Variants in FAM219A observed in about 807,000 individuals in gnomAD.
FAM219A encodes protein FAM219A.
Under a neutral mutation model 23.4 loss-of-function variants are expected in FAM219A, and 7 were observed. The ratio of observed to expected loss-of-function variants is 0.30; its 90% CI spans 0.17 to 0.56. The LOEUF is 0.56. Ranked by LOEUF, FAM219A falls within the 20% of genes least tolerant of loss-of-function variation. FAM219A has a pLI of 0.92. For missense variants in FAM219A, 166 were observed against 246.9 expected, an observed-to-expected ratio of 0.67 and a Z score of 2.20; for synonymous variants, 93 against 99.0, an observed-to-expected ratio of 0.94 and a Z score of 0.36.
chr9:34,438,594 A>C (rs1823028687), intron 1 of FAM219A, among the ~76,000 whole-genome samples: 2 of 151,604 alleles, frequency 1.3e-5, no homozygotes. Flanking sequence ...ACCAATCGGC[A>C]CTCTGTATCT....
At chr9:34,426,290 G>C (rs1422120381) in intron 1 of FAM219A, among the ~76,000 whole-genome samples, 1 of 152,194 alleles carries the variant, frequency 6.6e-6, no homozygotes, top group Non-Finnish European at 1.5e-5. Context: ...CCTATGTTTA[G>C]GAGAGGAATT....
chr9:34,424,628 G>A (rs1235653192), intron 1 of FAM219A, among the ~76,000 whole-genome samples: 1 of 151,972 alleles, frequency 6.6e-6, no homozygotes, highest in Non-Finnish European at 1.5e-5. Flanking sequence ...TCTAGTCCTT[G>A]AGGCAGGGGG....
chr9:34,436,064 C>A (rs1043973701), intron 1 of FAM219A, among the ~76,000 whole-genome samples: 1 of 152,150 alleles, frequency 6.6e-6, no homozygotes, highest in African/African-American at 2.4e-5. Flanking sequence ...CTTGGCCTCC[C>A]AATGTGCTGG....
chr9:34,435,824 G>T lies in FAM219A; in HGVS notation c.60+22380C>A, dbSNP rs182403187. On this transcript the variant is annotated intron_variant, in intron 1 of 5. Transcript: ENST00000651358. ...GGAGGTTTAGATTGCTTTTTTTTTTGAGATGGAGTCTCACTGTATCACCCA... is the reference window on the plus strand; with the variant it reads ...GGAGGTTTAGATTGCTTTTTTTTTTTAGATGGAGTCTCACTGTATCACCCA... Among the ~76,000 whole-genome samples the T allele has an allele frequency of 3.5e-3, 505 of 142,700 alleles. 2 individuals are homozygous for T. The highest frequency in any genetic ancestry group is 0.012 in the African/African-American group (474 of 38,390). The allele number at this position is 142,700 out of a possible 152,430, so 93.6% of individuals were successfully genotyped here.
intron 2 of FAM219A, among the ~76,000 whole-genome samples, chr9:34,404,870 G>T (rs1821580436): frequency 6.6e-6 from 1 of 152,100 alleles, no homozygotes; most frequent in Non-Finnish European, 1.5e-5. Flanking sequence ...GGTCTGGAAG[G>T]ACAGAAGCAA....
Position 34,400,712 on chromosome 9 carries a change from G to T in FAM219A, c.*252C>A. On this transcript the variant is annotated 3_prime_UTR_variant, in exon 6 of 6. Coordinates refer to ENST00000651358, the MANE Select transcript of FAM219A (RefSeq NM_001184940.2). The stretch of plus-strand genomic sequence containing the variant: ...AGGGTGCTGGGTGAGGTTCCCCCAG[G>T]TAACTGAACAAACGGCCCCCACCCC... 2.6e-6 allele frequency: 1 copy of T among 384,422 alleles called. No individual in the cohort carries two copies. The highest frequency in any genetic ancestry group is 4.6e-6 in the Non-Finnish European group (1 of 215,932). The allele number at this position is 384,422 out of a possible 1,614,324, so 23.8% of individuals were successfully genotyped here. A position where few individuals can be genotyped will look rare whatever the true frequency, so the allele number is the denominator to read the frequency against.
In FAM219A at chr9:34,399,090, T is replaced by A. The variant is rs1821329947; in HGVS notation, c.*1874A>T. ...TCCTCTCATTGCTCCCCATTCCAGC[T>A]CCCACCTCCCAGGATTGGTGTCCAG... On this transcript the variant is annotated 3_prime_UTR_variant, in exon 6 of 6. Transcript: ENST00000651358. The A allele has an allele frequency of 6.6e-6, 1 of 152,072 alleles. No homozygotes were observed. Among genetic ancestry groups the A allele is most frequent in the African/African-American group, 2.4e-5 (1 of 41,328 alleles). 9.4% of individuals were successfully genotyped at this position (152,072 alleles called of 1,614,324 possible).
intron 1 of FAM219A, among the ~76,000 whole-genome samples, chr9:34,412,719 G>A (rs989425208): frequency 1.3e-5 from 2 of 152,114 alleles, no homozygotes; most frequent in African/African-American, 4.8e-5. Context: ...AACCATTCAA[G>A]TAGAGTTTCA....
At chr9:34,404,474 G>A (rs770753707) in intron 2 of FAM219A, among the ~76,000 whole-genome samples, 3 of 152,208 alleles carry the variant, frequency 2.0e-5, no homozygotes, top group South Asian at 2.1e-4. Flanking sequence ...CTGGGAGGCC[G>A]AGGTGGGCGG....
At chr9:34,433,750 T>G (rs560209080) in intron 1 of FAM219A, among the ~76,000 whole-genome samples, 1 of 152,292 alleles carries the variant, frequency 6.6e-6, no homozygotes, top group African/African-American at 2.4e-5. Context: ...ACTGACTGTA[T>G]CATTTTAAGC....
chr9:34,408,654 G>A (rs1419984595), intron 1 of FAM219A, among the ~76,000 whole-genome samples: 1 of 152,118 alleles, frequency 6.6e-6, no homozygotes, highest in Non-Finnish European at 1.5e-5. Flanking sequence ...TGCCTCCTCT[G>A]TAGGGTCCTG....
In FAM219A at chr9:34,405,927, T is replaced by C; in HGVS notation, c.98A>G (p.Asp33Gly). Residue 33 changes from aspartate to glycine, a missense_variant, in exon 2 of 6, where the codon GAC becomes GGC. Physicochemically the swap from Asp to Gly is moderately conservative, Grantham distance 94. Transcript: ENST00000651358. Reference protein sequence around the residue: ...AAASISDGDCDAREGESVAMN... With the variant: ...AAASISDGDCGAREGESVAMN... ...GGCTACTGACTCACCCTCCCGGGCG[T>C]CACAGTCTCCGTCAGAGATGGAGGC... The C allele has an allele frequency of 1.9e-6, 3 of 1,613,382 alleles. No individual in the cohort carries two copies. Among genetic ancestry groups the C allele is most frequent in the East Asian group, 2.2e-5 (1 of 44,832 alleles).
chr9:34,416,809 T>TTTTC (rs1822051898), intron 1 of FAM219A, among the ~76,000 whole-genome samples: 1 of 42,156 alleles, frequency 2.4e-5, no homozygotes, highest in Non-Finnish European at 4.0e-5. Flanking sequence ...CAGCTCTCCA[T>TTTTC]TTTTTTTTTT....
intron 1 of FAM219A, among the ~76,000 whole-genome samples, chr9:34,428,033 T>C (rs796349210): frequency 3.3e-5 from 5 of 152,222 alleles, no homozygotes; most frequent in South Asian, 4.1e-4. Flanking sequence ...CTTGCAGATA[T>C]ATACTTCCAC....
At chr9:34,450,769 G>A (rs957952486) in intron 1 of FAM219A, among the ~76,000 whole-genome samples, 1 of 152,216 alleles carries the variant, frequency 6.6e-6, no homozygotes, top group Admixed American at 6.5e-5. Flanking sequence ...TAGATGGGAT[G>A]TACTCTGCTT....
chr9:34,414,285 C>T (rs1821923946), intron 1 of FAM219A, among the ~76,000 whole-genome samples: 1 of 152,218 alleles, frequency 6.6e-6, no homozygotes, highest in Admixed American at 6.5e-5. Flanking sequence ...TGAAGTCACA[C>T]CTCAACACAT....
chr9:34,405,728 G>A (rs539877848), intron 2 of FAM219A, 137 bp downstream of exon 2: 29 of 785,216 alleles, frequency 3.7e-5, no homozygotes, highest in African/African-American at 3.7e-4. Flanking sequence ...AAGGTGCCTC[G>A]CAGTGCCAAT....
rs1013644311 is a variant in FAM219A, at chr9:34,403,486, A to G, written c.161-679T>C. ...GTGGGAGGTGCAGGATGGGGCTACA[A>G]AGTAAGGGGCAGAAGGCTGGGGGAG... is the stretch of plus-strand genomic sequence containing the variant. On this transcript the variant is annotated intron_variant, in intron 2 of 5. Coordinates refer to ENST00000651358, the MANE Select transcript of FAM219A (RefSeq NM_001184940.2). 2.6e-5 allele frequency among the ~76,000 whole-genome samples: 4 copies of G among 152,186 alleles called. No homozygotes were observed. In the South Asian group the frequency reaches 8.3e-4, roughly 32 times the overall value.
chr9:34,401,609 C>CG, intron 5 of FAM219A, 57 bp downstream of exon 5: 2 of 1,566,624 alleles, frequency 1.3e-6, no homozygotes, highest in Middle Eastern at 2.2e-4. Flanking sequence ...AGCCCTCCCC[C>CG]GGGATGGCAG....
Sources: gnomAD v4.1 joint callset for allele counts (sites outside exome capture counted in the v4.1 genomes callset) on GRCh38, gnomAD v4.1.1 for gene constraint, MANE v1.5 for transcripts, NCBI Gene and HGNC (gene_info 2026-07-23, HGNC 2026-07-21) for gene names.